Variants in ATP8A2 observed in about 807,000 individuals in gnomAD.
ATP8A2 encodes the protein ATPase phospholipid transporting 8A2.
ATP8A2 carries 100 observed loss-of-function variants against 165.6 expected under a neutral mutation model. The observed-to-expected ratio is 0.60, with a 90% CI of 0.51 to 0.71. The LOEUF (loss-of-function observed/expected upper bound fraction) is 0.71. Among genes scored for constraint, ATP8A2 ranks in the 30% least tolerant of loss-of-function variants. The pLI, the probability that ATP8A2 is intolerant of heterozygous loss-of-function variation, is 0.00. For synonymous variants in ATP8A2, 543 were observed against 548.8 expected (o/e 0.99, Z 0.15); for missense variants, 1,227 against 1,479.5 (o/e 0.83, Z 2.80).
At chr13:25,462,744 C>T (rs4769425) in intron 1 of ATP8A2, among the ~76,000 whole-genome samples, 30,410 of 151,968 alleles carry the variant, frequency 0.2, 3,280 homozygotes, top group Non-Finnish European at 0.23. Context: ...GATGGCTGGA[C>T]CCCATTCTTA....
intron 33 of ATP8A2, among the ~76,000 whole-genome samples, chr13:25,934,913 C>G (rs974300731): frequency 2.6e-5 from 4 of 152,298 alleles, no homozygotes; most frequent in South Asian, 2.1e-4. Context: ...GGGCCAGGAG[C>G]TGGGTCCTGA....
intron 6 of ATP8A2, among the ~76,000 whole-genome samples, chr13:25,533,672 A>C (rs184438064): frequency 6.6e-6 from 1 of 152,182 alleles, no homozygotes; most frequent in Non-Finnish European, 1.5e-5. Flanking sequence ...TTGGGTGGAA[A>C]GGTCATTAAC....
intron 25 of ATP8A2, among the ~76,000 whole-genome samples, chr13:25,764,991 G>A (rs1280760579): frequency 6.6e-6 from 1 of 152,196 alleles, no homozygotes; most frequent in Non-Finnish European, 1.5e-5. Flanking sequence ...CAGGGTTTAT[G>A]TATATCAGAT....
intron 24 of ATP8A2, among the ~76,000 whole-genome samples, chr13:25,669,855 A>C (rs1196642417): frequency 6.6e-6 from 1 of 152,158 alleles, no homozygotes. Flanking sequence ...AGCAGGAATG[A>C]AACAAGTACC....
In ATP8A2 at chr13:25,738,832, T is replaced by C. The variant is rs1036685902; in HGVS notation, c.2385-30214T>C. Among the ~76,000 whole-genome samples the C allele has an allele frequency of 7.9e-5, 12 of 152,384 alleles. No homozygotes were observed. The East Asian group carries it at 2.3e-3, about 29-fold the overall frequency. The stretch of plus-strand genomic sequence containing the variant: ...AAGGTAAATCTGCATCTGTTACAGC[T>C]GTTTGGCACAGGATATATTGATTTA... On this transcript the variant is annotated intron_variant, in intron 25 of 36. Coordinates refer to ENST00000381655, the MANE Select transcript of ATP8A2 (RefSeq NM_016529.6).
intron 35 of ATP8A2, among the ~76,000 whole-genome samples, chr13:26,000,141 A>T (rs1305619233): frequency 6.6e-6 from 1 of 152,222 alleles, no homozygotes; most frequent in Non-Finnish European, 1.5e-5. Flanking sequence ...GGATTGGTAG[A>T]TGTTTGGCCT....
At chr13:25,402,543 T>C (rs2033670369) in intron 1 of ATP8A2, among the ~76,000 whole-genome samples, 2 of 152,200 alleles carry the variant, frequency 1.3e-5, no homozygotes, top group Non-Finnish European at 2.9e-5. Context: ...ATCAAACATA[T>C]GATTTATTGG....
chr13:25,946,058 G>A (rs982160070), intron 33 of ATP8A2, among the ~76,000 whole-genome samples: 2 of 152,170 alleles, frequency 1.3e-5, no homozygotes, highest in African/African-American at 4.8e-5. Flanking sequence ...AGCCCTGTGA[G>A]GCAGTCTTGA....
chr13:25,673,744 A>G (rs1039521369), intron 24 of ATP8A2, among the ~76,000 whole-genome samples: 2 of 152,196 alleles, frequency 1.3e-5, no homozygotes, highest in Admixed American at 1.3e-4. Flanking sequence ...GGCAATGGAA[A>G]GAAAGCCAGC....
intron 25 of ATP8A2, among the ~76,000 whole-genome samples, chr13:25,712,837 T>C (rs371315313): frequency 6.6e-6 from 1 of 152,140 alleles, no homozygotes; most frequent in South Asian, 2.1e-4. Flanking sequence ...ATTGCTTGAG[T>C]AAGAGATAGT....
chr13:25,934,387 CAT>C (rs374526621), intron 33 of ATP8A2, among the ~76,000 whole-genome samples: 2 of 152,308 alleles, frequency 1.3e-5, no homozygotes, highest in African/African-American at 4.8e-5. Context: ...AGTGAGTACA[CAT>C]AGGCATGGCA....
intron 27 of ATP8A2, among the ~76,000 whole-genome samples, chr13:25,811,721 C>T (rs1342502561): frequency 1.3e-5 from 2 of 152,200 alleles, no homozygotes; most frequent in Non-Finnish European, 2.9e-5. Flanking sequence ...ATTAGCCAGG[C>T]GTGGTGGCAT....
In ATP8A2 at chr13:25,513,538, C is replaced by T. The variant is rs536045111; in HGVS notation, c.222-16461C>T. ...ATGGGCGGCCAGGAGAGACGCTCCTCACTTCCCAGACGGGGTGGCGGCCGG... is the reference window on the plus strand; with the variant it reads ...ATGGGCGGCCAGGAGAGACGCTCCTTACTTCCCAGACGGGGTGGCGGCCGG... On this transcript the variant is annotated intron_variant, in intron 2 of 36. Coordinates refer to ENST00000381655, the MANE Select transcript of ATP8A2 (RefSeq NM_016529.6). 1.5e-3 allele frequency among the ~76,000 whole-genome samples: 224 copies of T among 152,218 alleles called. 1 individual carries two copies. Among genetic ancestry groups the T allele is most frequent in the African/African-American group, 5.2e-3 (215 of 41,564 alleles).
At chr13:25,934,832 A>G (rs903638030) in intron 33 of ATP8A2, among the ~76,000 whole-genome samples, 2 of 152,202 alleles carry the variant, frequency 1.3e-5, no homozygotes, top group African/African-American at 4.8e-5. Flanking sequence ...ACAAAGAAAA[A>G]AAACAACGTT....
At chr13:25,408,249 C>T (rs1371894079) in intron 1 of ATP8A2, among the ~76,000 whole-genome samples, 3 of 152,008 alleles carry the variant, frequency 2.0e-5, no homozygotes, top group Admixed American at 6.6e-5. Context: ...GAAAATTAAC[C>T]GGGCATGGTG....
chr13:25,738,254 G>A (rs985846431), intron 25 of ATP8A2, among the ~76,000 whole-genome samples: 2 of 152,052 alleles, frequency 1.3e-5, no homozygotes, highest in Non-Finnish European at 2.9e-5. Context: ...TAAACTGATG[G>A]CAAATTCTGG....
At chr13:25,480,485 G>A (rs1279941891) in intron 2 of ATP8A2, among the ~76,000 whole-genome samples, 2 of 150,882 alleles carry the variant, frequency 1.3e-5, no homozygotes, top group Non-Finnish European at 3.0e-5. Flanking sequence ...ACGGGGTCGC[G>A]GCCGGGCAGA....
chr13:25,942,570 G>A (rs1282339604), intron 33 of ATP8A2, among the ~76,000 whole-genome samples: 3 of 152,090 alleles, frequency 2.0e-5, no homozygotes, highest in Admixed American at 6.6e-5. Flanking sequence ...TTACAGGTGC[G>A]TACCACCACA....
intron 33 of ATP8A2, among the ~76,000 whole-genome samples, chr13:25,936,844 A>T (rs9634425): frequency 6.6e-6 from 1 of 152,052 alleles, no homozygotes; most frequent in Admixed American, 6.5e-5. Flanking sequence ...CACCTCAGCT[A>T]CCTGTCCAAG....
Sources: allele counts gnomAD v4.1 joint callset (sites outside exome capture counted in the v4.1 genomes callset), GRCh38; gene constraint gnomAD v4.1.1; transcripts MANE v1.5; gene names NCBI Gene and HGNC (gene_info 2026-07-23, HGNC 2026-07-21).